NDUFA10: variants seen among roughly 807,000 people sequenced by gnomAD.
The protein encoded by NDUFA10 is NADH:ubiquinone oxidoreductase subunit A10.
In NDUFA10, 40 loss-of-function variants were observed where a neutral mutation model predicts 47.8. The observed-to-expected ratio is 0.84, with a 90% CI of 0.65 to 1.09. The LOEUF (loss-of-function observed/expected upper bound fraction) is 1.09. Among genes scored for constraint, NDUFA10 ranks in the 50% least tolerant of loss-of-function variants. The pLI, the probability that NDUFA10 is intolerant of heterozygous loss-of-function variation, is 0.00. For missense variants in NDUFA10, 413 were observed against 451.1 expected (o/e 0.92, Z 0.76); for synonymous variants, 183 against 172.2 (o/e 1.06, Z -0.49).
intron 4 of NDUFA10, among the ~76,000 whole-genome samples, chr2:239,910,693 C>T (rs1178377483): frequency 6.6e-6 from 1 of 152,044 alleles, no homozygotes. Flanking sequence ...CCCACACGCC[C>T]CGCACCTGTA....
Position 240,014,418 on chromosome 2 carries a change from G to A in NDUFA10, c.669+321C>T, listed in dbSNP as rs915371747. The A allele has an allele frequency of 5.9e-5, 24 of 405,970 alleles. 2 individuals carry two copies. Among genetic ancestry groups the A allele is most frequent in the South Asian group, 5.1e-4 (24 of 46,826 alleles). The allele number at this position is 405,970 out of a possible 1,614,324, so 25.1% of individuals were successfully genotyped here. A position where few individuals can be genotyped will look rare whatever the true frequency, so the allele number is the denominator to read the frequency against. On this transcript the variant is annotated intron_variant, in intron 5 of 9. Transcript: ENST00000252711. ...AAAAACCTCATCAGAGAACAGAAAG[G>A]TACGTGACAGAGGGATGGAGGACGC... is the stretch of plus-strand genomic sequence containing the variant.
intron 4 of NDUFA10, among the ~76,000 whole-genome samples, chr2:239,912,193 G>A (rs11690405): frequency 0.17 from 26,572 of 152,122 alleles, 2,592 homozygotes; most frequent in African/African-American, 0.25. Context: ...CCAGCACTTT[G>A]CACCCCCCTC....
intron 8 of NDUFA10, among the ~76,000 whole-genome samples, chr2:239,995,968 T>G (rs145998808): frequency 6.6e-6 from 1 of 151,820 alleles, no homozygotes; most frequent in Non-Finnish European, 1.5e-5. Context: ...AAGGGAGAAA[T>G]AGACAAATCC....
At chr2:239,992,238 T>G (rs1364417865) in intron 8 of NDUFA10, among the ~76,000 whole-genome samples, 1 of 152,224 alleles carries the variant, frequency 6.6e-6, no homozygotes, top group Non-Finnish European at 1.5e-5. Context: ...TTGAGGATAA[T>G]ATATCCTTTT....
At chr2:239,910,071 G>C (rs558132022) in intron 4 of NDUFA10, among the ~76,000 whole-genome samples, 19 of 152,288 alleles carry the variant, frequency 1.2e-4, no homozygotes, top group African/African-American at 4.3e-4. Flanking sequence ...AGACACAGAG[G>C]CTGGCAAGGT....
intron 1 of NDUFA10, among the ~76,000 whole-genome samples, chr2:240,024,509 G>T (rs7588754): frequency 0.37 from 56,495 of 152,056 alleles, 11,268 homozygotes; most frequent in African/African-American, 0.53. Context: ...AGGCAGTGAA[G>T]CTACTCTGTA....
chr2:239,894,719 A>G (rs1043676309), intron 5 of NDUFA10, among the ~76,000 whole-genome samples: 2 of 151,440 alleles, frequency 1.3e-5, no homozygotes, highest in Non-Finnish European at 2.9e-5. Context: ...GACCTTCTCT[A>G]TGGATCCCCT....
intron 4 of NDUFA10, among the ~76,000 whole-genome samples, chr2:239,915,635 TACAGACACAC>T (rs1693853005): frequency 8.2e-6 from 1 of 122,388 alleles, no homozygotes; most frequent in Non-Finnish European, 1.7e-5. Flanking sequence ...CACACAAATA[TACAGACACAC>T]AGAGACACAC....
rs1694831285 is a variant in NDUFA10 at position 239,960,994 on chromosome 2, T to C, written c.*124A>G. On this transcript the variant is annotated 3_prime_UTR_variant, in exon 10 of 10. Coordinates refer to ENST00000252711, the MANE Select transcript of NDUFA10 (RefSeq NM_004544.4). ...GGATTGCTTTTTGTGAGACCCCTTC[T>C]TCCACTGTGCAATTTTTGCATTATT... 6.5e-7 allele frequency: 1 copy of C among 1,550,052 alleles called. No homozygotes were observed. The highest frequency in any genetic ancestry group is 1.9e-5 in the Admixed American group (1 of 51,354).
At chr2:239,910,854 T>C (rs2106471255) in intron 4 of NDUFA10, among the ~76,000 whole-genome samples, 1 of 152,296 alleles carries the variant, frequency 6.6e-6, no homozygotes, top group Admixed American at 6.5e-5. Context: ...GGAAGTCCAG[T>C]ATTTCCTTCT....
rs1252812513 is a variant in NDUFA10, at chr2:239,957,531, TTTTA to T, written c.*3583_*3586del. The T allele has an allele frequency of 7.2e-5, 11 of 152,240 alleles. No homozygotes were observed. Among genetic ancestry groups the T allele is most frequent in the Non-Finnish European group, 1.5e-4 (10 of 68,050 alleles). 9.4% of individuals were successfully genotyped at this position (152,240 alleles called of 1,614,324 possible). A position where few individuals can be genotyped will look rare whatever the true frequency, so the allele number is the denominator to read the frequency against. On this transcript the variant is annotated 3_prime_UTR_variant, in exon 10 of 10. Transcript: ENST00000252711. ...GTGAAAAATTTACTATTAAAATAAT[TTTTA>T]AATTAAGAATTTTAAAACTATACAT...
chr2:239,915,579 C>A (rs1693851368), intron 4 of NDUFA10, among the ~76,000 whole-genome samples: 1 of 147,782 alleles, frequency 6.8e-6, no homozygotes, highest in South Asian at 2.2e-4. Flanking sequence ...AATATACAGA[C>A]ACACACACAG....
intron 9 of NDUFA10, among the ~76,000 whole-genome samples, chr2:239,962,383 T>C (rs548884142): frequency 3.9e-5 from 6 of 152,332 alleles, no homozygotes; most frequent in African/African-American, 1.4e-4. Flanking sequence ...GAAATGTGCC[T>C]TGCCTGGCCT....
chr2:239,999,144 C>T (rs79827235), intron 8 of NDUFA10, among the ~76,000 whole-genome samples: 9,369 of 152,306 alleles, frequency 0.062, 402 homozygotes, highest in Admixed American at 0.13. Context: ...TTCTTTCTCC[C>T]TCTACTTTAT....
chr2:239,928,184 CAAA>C lies in NDUFA10; in HGVS notation c.295-32873_295-32871del, dbSNP rs373538195. Among the ~76,000 whole-genome samples, 1 of 151,312 alleles carries C rather than the reference CAAA, an allele frequency of 6.6e-6. No individual in the cohort carries two copies. The highest frequency in any genetic ancestry group is 1.9e-4 in the East Asian group (1 of 5,144). The stretch of plus-strand genomic sequence containing the variant: ...TTCCAGGACTTTAAAAAAAAAATAA[CAAA>C]AGAAGAAAACAAATGTAACAGAAAA... On this transcript the variant is annotated intron_variant, in intron 4 of 5. Transcript: ENST00000419408. The surrounding 1 kb of genome is among the most constrained non-coding windows in gnomAD (Gnocchi z 4.3).
At chr2:239,997,610 C>A (rs1696535698) in intron 8 of NDUFA10, among the ~76,000 whole-genome samples, 1 of 152,112 alleles carries the variant, frequency 6.6e-6, no homozygotes, top group African/African-American at 2.4e-5. Flanking sequence ...CTTAAGTAAC[C>A]TGAAATTGAA....
chr2:239,910,114 G>A (rs1391267615), intron 4 of NDUFA10, among the ~76,000 whole-genome samples: 1 of 152,220 alleles, frequency 6.6e-6, no homozygotes, highest in Non-Finnish European at 1.5e-5. Context: ...GACACTGTTG[G>A]TGGGAATGTA....
At chr2:239,982,807 G>A (rs188078222) in intron 9 of NDUFA10, among the ~76,000 whole-genome samples, 2 of 152,340 alleles carry the variant, frequency 1.3e-5, no homozygotes, top group Admixed American at 6.5e-5. Flanking sequence ...GAGAAAATGG[G>A]TTTTATAGTT....
At chr2:240,018,076 A>G (rs1697437884) in intron 4 of NDUFA10, among the ~76,000 whole-genome samples, 1 of 152,254 alleles carries the variant, frequency 6.6e-6, no homozygotes, top group African/African-American at 2.4e-5. Context: ...GACCTTCCCC[A>G]ATACAGCAAC....
Sources: gnomAD v4.1 joint callset for allele counts (sites outside exome capture counted in the v4.1 genomes callset) on GRCh38, gnomAD v4.1.1 for gene constraint, Gnocchi (gnomAD v3.1) non-coding constraint, MANE v1.5 for transcripts, NCBI Gene and HGNC (gene_info 2026-07-23, HGNC 2026-07-21) for gene names.